The following ADCK1 variants were observed in gnomAD, a reference collection of about 807,000 sequenced individuals.
ADCK1 encodes aarF domain-containing protein kinase 1.
In ADCK1, 41 loss-of-function variants were observed where a neutral mutation model predicts 52.3. The ratio of observed to expected loss-of-function variants is 0.78; its 90% CI spans 0.61 to 1.02. The LOEUF (loss-of-function observed/expected upper bound fraction) is 1.02, where lower values mean the gene tolerates loss of function less well. Among genes scored for constraint, ADCK1 ranks in the 50% least tolerant of loss-of-function variants. The pLI, the probability that ADCK1 is intolerant of heterozygous loss-of-function variation, is 0.00. For missense variants in ADCK1, 658 were observed against 679.5 expected, an observed-to-expected ratio of 0.97 and a Z score of 0.35; for synonymous variants, 250 against 274.6, an observed-to-expected ratio of 0.91 and a Z score of 0.89.
chr14:77,906,743 G>A (rs562092477), intron 6 of ADCK1, among the ~76,000 whole-genome samples: 14 of 152,116 alleles, frequency 9.2e-5, no homozygotes, highest in East Asian at 5.8e-4. Context: ...ATTCACTTTC[G>A]AGGCAAGAAG....
intron 6 of ADCK1, among the ~76,000 whole-genome samples, chr14:77,906,529 G>GTAGGCAACTGAAAGCCTCATT (rs1375504544): frequency 6.6e-5 from 10 of 152,290 alleles, no homozygotes; most frequent in Non-Finnish European, 1.3e-4. Context: ...GCATTTGTCT[G>GTAGGCAACTGAAAGCCTCATT]TAGGCAACTG....
chr14:77,877,423 T>C (rs1165876047), intron 4 of ADCK1, among the ~76,000 whole-genome samples: 1 of 152,140 alleles, frequency 6.6e-6, no homozygotes, highest in Non-Finnish European at 1.5e-5. Context: ...AAAAGGCCTT[T>C]GGGGTTTTGT....
At chr14:77,838,033 G>C (rs1338776796) in intron 3 of ADCK1, among the ~76,000 whole-genome samples, 4 of 152,172 alleles carry the variant, frequency 2.6e-5, no homozygotes, top group Non-Finnish European at 4.4e-5. Context: ...AAGGGTGATC[G>C]AGATGCTTGT....
chr14:77,852,908 T>TATATATATATATATATATATATA (rs56338375), intron 3 of ADCK1, among the ~76,000 whole-genome samples: 17 of 23,516 alleles, frequency 7.2e-4, no homozygotes, highest in South Asian at 1.5e-3. Flanking sequence ...TATATATATA[T>TATATATATATATATATATATATA]TTTTTTTTTT....
chr14:77,916,963 G>A (rs2083940001), intron 7 of ADCK1, among the ~76,000 whole-genome samples: 1 of 152,202 alleles, frequency 6.6e-6, no homozygotes, highest in South Asian at 2.1e-4. Context: ...GCTCATACCT[G>A]TAATCCCAGT....
intron 5 of ADCK1, among the ~76,000 whole-genome samples, chr14:77,891,950 G>T (rs954928122): frequency 2.0e-5 from 3 of 152,180 alleles, no homozygotes; most frequent in Non-Finnish European, 4.4e-5. Context: ...ATCCAAGAAA[G>T]GTATTAAGCA....
chr14:77,873,646 C>T (rs957350820), intron 4 of ADCK1, among the ~76,000 whole-genome samples: 11 of 152,184 alleles, frequency 7.2e-5, no homozygotes, highest in Non-Finnish European at 1.6e-4. Flanking sequence ...TTGTAGCTCC[C>T]TCATCCTGTT....
chr14:77,849,503 A>G (rs1248390774), intron 3 of ADCK1, among the ~76,000 whole-genome samples: 1 of 152,022 alleles, frequency 6.6e-6, no homozygotes, highest in Non-Finnish European at 1.5e-5. Context: ...GTGCAGTGAC[A>G]TGATCATGGC....
chr14:77,895,376 G>A (rs2083386888), intron 5 of ADCK1, among the ~76,000 whole-genome samples: 1 of 152,180 alleles, frequency 6.6e-6, no homozygotes, highest in Non-Finnish European at 1.5e-5. Flanking sequence ...CAGAGAAGCA[G>A]ACAAACTCTT....
intron 4 of ADCK1, among the ~76,000 whole-genome samples, chr14:77,883,680 A>G (rs1294546561): frequency 1.3e-5 from 2 of 152,104 alleles, no homozygotes; most frequent in Non-Finnish European, 2.9e-5. Flanking sequence ...GAAGGAAAAG[A>G]TGGCTGCAGG....
chr14:77,899,392 A>C, intron 6 of ADCK1, 134 bp downstream of exon 6: 1 of 1,204,430 alleles, frequency 8.3e-7, no homozygotes, highest in African/African-American at 1.5e-5. Flanking sequence ...CTGAGGATGA[A>C]TGACATCACT....
At chr14:77,924,718 C>G (rs2084147708) in intron 8 of ADCK1, 112 bp downstream of exon 8, 1 of 1,392,886 alleles carries the variant, frequency 7.2e-7, no homozygotes, top group Non-Finnish European at 9.7e-7. Flanking sequence ...TGGAAAGGAC[C>G]CTTCCCTCTC....
At chr14:77,870,590 A>G (rs529594259) in intron 4 of ADCK1, among the ~76,000 whole-genome samples, 12 of 152,312 alleles carry the variant, frequency 7.9e-5, no homozygotes, top group South Asian at 2.1e-4. Context: ...AGCTCTCCCT[A>G]TGGAACCTTT....
In ADCK1 at chr14:77,813,971, T is replaced by C. The variant is rs555556866; in HGVS notation, c.-11-4997T>C. On this transcript the variant is annotated intron_variant, in intron 1 of 10. Transcript: ENST00000238561. ...TTAGTAGAGACAGGGTTTTGCCATGTTGGCAAGGCTGGTCTCAAACTCCTG... is the reference window on the plus strand; with the variant it reads ...TTAGTAGAGACAGGGTTTTGCCATGCTGGCAAGGCTGGTCTCAAACTCCTG... Among the ~76,000 whole-genome samples, 3 of 152,204 alleles carry C rather than the reference T, an allele frequency of 2.0e-5. No homozygotes were observed. In the South Asian group the frequency reaches 6.2e-4, roughly 32 times the overall value.
At chr14:77,851,974 G>A (rs965360673) in intron 3 of ADCK1, among the ~76,000 whole-genome samples, 2 of 151,514 alleles carry the variant, frequency 1.3e-5, no homozygotes, top group East Asian at 3.9e-4. Context: ...CCTGATGAAG[G>A]CTCTTTATTA....
intron 3 of ADCK1, among the ~76,000 whole-genome samples, chr14:77,823,700 G>C (rs535050090): frequency 1.3e-5 from 2 of 151,736 alleles, no homozygotes; most frequent in East Asian, 3.9e-4. Flanking sequence ...AGCCTCCTGA[G>C]TGGCTGGGAT....
At chr14:77,849,671 C>T (rs369823607) in intron 3 of ADCK1, among the ~76,000 whole-genome samples, 6 of 152,036 alleles carry the variant, frequency 3.9e-5, no homozygotes, top group Admixed American at 1.3e-4. Context: ...AGGCTGCTCT[C>T]GAACTCCTGG....
intron 1 of ADCK1, among the ~76,000 whole-genome samples, chr14:77,804,647 G>T (rs1450490653): frequency 6.6e-6 from 1 of 152,048 alleles, no homozygotes; most frequent in East Asian, 1.9e-4. Context: ...GTGATGAATT[G>T]TCAGCCCAGG....
At chr14:77,873,586 A>G (rs2082833058) in intron 4 of ADCK1, among the ~76,000 whole-genome samples, 1 of 152,176 alleles carries the variant, frequency 6.6e-6, no homozygotes, top group South Asian at 2.1e-4. Context: ...GGCTGGGATG[A>G]GGCTGGGTGA....
Sources: allele counts gnomAD v4.1 joint callset (sites outside exome capture counted in the v4.1 genomes callset), GRCh38; gene constraint gnomAD v4.1.1; transcripts MANE v1.5; gene names NCBI Gene and HGNC (gene_info 2026-07-23, HGNC 2026-07-21).